The following EMILIN2 variants were observed in gnomAD, a reference collection of about 807,000 sequenced individuals.
The protein encoded by EMILIN2 is elastin microfibril interfacer 2, also known as EMILIN-2.
In EMILIN2, 71 loss-of-function variants were observed where a neutral mutation model predicts 87.1. The ratio of observed to expected loss-of-function variants is 0.82; its 90% CI spans 0.67 to 0.99. The LOEUF (loss-of-function observed/expected upper bound fraction) is 0.99, where lower values mean the gene tolerates loss of function less well. Ranked by LOEUF, EMILIN2 falls within the 50% of genes least tolerant of loss-of-function variation. EMILIN2 has a pLI of 0.00. For missense variants in EMILIN2, 1,407 were observed against 1,371.8 expected, an observed-to-expected ratio of 1.03 and a Z score of -0.40; for synonymous variants, 581 against 563.4, an observed-to-expected ratio of 1.03 and a Z score of -0.44.
In EMILIN2 at chr18:2,883,352, C is replaced by T. The variant is rs148368174; in HGVS notation, c.258-1612C>T. ...GGTAACCCCGCTGCTGCTATTGTCC[C>T]GCCTCCCCCCATGGGCAGCTCTCAG... is the stretch of plus-strand genomic sequence containing the variant. On this transcript the variant is annotated intron_variant, in intron 2 of 7. Transcript: ENST00000254528. Among the ~76,000 whole-genome samples, 1,462 of 152,254 alleles carry T rather than the reference C, an allele frequency of 9.6e-3. 18 individuals are homozygous for T. The highest frequency in any genetic ancestry group is 0.031 in the African/African-American group (1,282 of 41,532).
rs1428993399 is a variant in EMILIN2, at chr18:2,847,428, TC to T, written c.134+109del. 2.6e-6 allele frequency: 3 copies of T among 1,140,232 alleles called. No individual in the cohort carries two copies. Among genetic ancestry groups the T allele is most frequent in the Non-Finnish European group, 2.2e-6 (2 of 909,304 alleles). The allele number at this position is 1,140,232 out of a possible 1,614,324, so 70.6% of individuals were successfully genotyped here. On this transcript the variant is annotated intron_variant, in intron 1 of 7. Transcript: ENST00000254528. The surrounding 1 kb of genome is among the most constrained non-coding windows in gnomAD (Gnocchi z 4.5). The stretch of plus-strand genomic sequence containing the variant: ...AGACGACGAGCGGCAGCCGGGGGCC[TC>T]CCTTGGACTTCCCCGGGCGGCTCCC...
chr18:2,870,750 G>C (rs376347329), intron 2 of EMILIN2, among the ~76,000 whole-genome samples: 92 of 152,354 alleles, frequency 6.0e-4, no homozygotes, highest in African/African-American at 4.1e-4. Context: ...CACGAGCAGG[G>C]ACCTGGAGGT....
At chr18:2,859,699 T>G (rs1460265673) in intron 2 of EMILIN2, among the ~76,000 whole-genome samples, 1 of 152,236 alleles carries the variant, frequency 6.6e-6, no homozygotes, top group Non-Finnish European at 1.5e-5. Flanking sequence ...TTTTATAGTT[T>G]CAGGTCCTAG....
intron 4 of EMILIN2, among the ~76,000 whole-genome samples, chr18:2,893,491 G>A (rs1019346939): frequency 2.6e-5 from 4 of 152,156 alleles, no homozygotes; most frequent in Admixed American, 1.3e-4. Context: ...CTACACCTTA[G>A]GCACTCAACA....
At chr18:2,902,803 T>G (rs1235216965) in intron 4 of EMILIN2, among the ~76,000 whole-genome samples, 1 of 152,114 alleles carries the variant, frequency 6.6e-6, no homozygotes, top group Non-Finnish European at 1.5e-5. Flanking sequence ...TAGAATCAGC[T>G]GGGCTTAGCA....
intron 2 of EMILIN2, among the ~76,000 whole-genome samples, chr18:2,870,944 C>T (rs985307776): frequency 1.3e-5 from 2 of 152,196 alleles, no homozygotes; most frequent in Non-Finnish European, 2.9e-5. Context: ...CCCCACCACC[C>T]TTTTTTTCTT....
At chr18:2,904,991 C>T (rs1215494988) in intron 4 of EMILIN2, among the ~76,000 whole-genome samples, 2 of 152,192 alleles carry the variant, frequency 1.3e-5, no homozygotes, top group East Asian at 1.9e-4. Flanking sequence ...TATCTTACTC[C>T]TATCTTCCAC....
In EMILIN2 at chr18:2,885,114, T is replaced by C; in HGVS notation, c.408T>C (p.Pro136=). The change falls in exon 3 of 8, where the codon CCT becomes CCC. Residue 136 remains proline (P), a synonymous_variant. Transcript: ENST00000254528. The stretch of plus-strand genomic sequence containing the variant: ...CCCTCCGCCCCACGCCGGCTCGGCC[T>C]CGAAACAGCTTGAAGAAAGCCACAG... ...VKTLRPTPAR[P]RNSLKKATDN... 1 of 1,609,048 alleles carries C rather than the reference T, an allele frequency of 6.2e-7. No individual in the cohort carries two copies. The highest frequency in any genetic ancestry group is 8.5e-7 in the Non-Finnish European group (1 of 1,178,320).
chr18:2,908,433 A>G (rs944602813), intron 5 of EMILIN2, among the ~76,000 whole-genome samples: 2 of 151,442 alleles, frequency 1.3e-5, no homozygotes, highest in Non-Finnish European at 2.9e-5. Flanking sequence ...CTGTCCACCC[A>G]CCTATGCATG....
chr18:2,898,072 C>G (rs2076871740), intron 4 of EMILIN2, among the ~76,000 whole-genome samples: 1 of 152,320 alleles, frequency 6.6e-6, no homozygotes, highest in South Asian at 2.1e-4. Flanking sequence ...CCCATTTTCA[C>G]AGGTGCGGGG....
intron 7 of EMILIN2, among the ~76,000 whole-genome samples, chr18:2,910,120 AG>A (rs1356627227): frequency 2.7e-5 from 4 of 146,792 alleles, no homozygotes; most frequent in African/African-American, 5.1e-5. Flanking sequence ...AGCAGTTATG[AG>A]GGCTGTGCCG....
intron 2 of EMILIN2, among the ~76,000 whole-genome samples, chr18:2,884,736 T>C (rs867066404): frequency 2.6e-5 from 4 of 152,106 alleles, no homozygotes; most frequent in African/African-American, 9.7e-5. Flanking sequence ...GGGAAACGGG[T>C]GCTCAGGGCA....
At chr18:2,913,045 G>A in intron 7 of EMILIN2, 22 bp from the exon 8 acceptor site, 4 of 1,604,254 alleles carry the variant, frequency 2.5e-6, no homozygotes, top group Non-Finnish European at 3.4e-6. Flanking sequence ...GGTGAGCACA[G>A]GGTTTGCCTT....
intron 2 of EMILIN2, among the ~76,000 whole-genome samples, chr18:2,862,507 T>C (rs970951139): frequency 2.0e-5 from 3 of 152,216 alleles, no homozygotes; most frequent in African/African-American, 2.4e-5. Context: ...GTTTTTGTCA[T>C]TGGCTGGATT....
intron 3 of EMILIN2, among the ~76,000 whole-genome samples, chr18:2,889,629 G>T: frequency 6.9e-6 from 1 of 145,928 alleles, no homozygotes; most frequent in African/African-American, 2.5e-5. Context: ...TTTTTCCTTG[G>T]TGTTTTCTCA....
intron 3 of EMILIN2, among the ~76,000 whole-genome samples, chr18:2,889,374 G>A (rs1156490670): frequency 2.0e-5 from 3 of 151,816 alleles, no homozygotes; most frequent in African/African-American, 7.3e-5. Flanking sequence ...CTATCCTCAA[G>A]CAATCCACCC....
At position 2,892,307 on chromosome 18, in the gene EMILIN2, A is replaced by AG; in HGVS notation, c.2182dup (p.Glu728GlyfsTer48). 6.2e-7 allele frequency: 1 copy of AG among 1,614,224 alleles called. No homozygotes were observed. Among genetic ancestry groups the AG allele is most frequent in the Non-Finnish European group, 8.5e-7 (1 of 1,180,046 alleles). On this transcript the variant is annotated frameshift_variant, in exon 4 of 8. Coordinates refer to ENST00000254528, the MANE Select transcript of EMILIN2 (RefSeq NM_032048.3). LOFTEE classifies it high-confidence loss of function. ...ATCTCAGGAAATCTTCAGAGGATCAAGGAGGGGCTCAACAAGCATGTCAGC... is the reference window on the plus strand; with the variant it reads ...ATCTCAGGAAATCTTCAGAGGATCAAGGGAGGGGCTCAACAAGCATGTCAGC...
intron 2 of EMILIN2, among the ~76,000 whole-genome samples, chr18:2,855,753 C>T (rs1404108846): frequency 2.0e-5 from 3 of 152,222 alleles, no homozygotes; most frequent in East Asian, 1.9e-4. Context: ...TCACTTAGCC[C>T]GTCTGAGGCA....
chr18:2,867,465 G>T (rs2076692261), intron 2 of EMILIN2, among the ~76,000 whole-genome samples: 1 of 152,142 alleles, frequency 6.6e-6, no homozygotes, highest in Non-Finnish European at 1.5e-5. Flanking sequence ...GTGAACAAAG[G>T]TCTCTGGCTT....
Sources: allele counts gnomAD v4.1 joint callset (sites outside exome capture counted in the v4.1 genomes callset), GRCh38; gene constraint gnomAD v4.1.1; non-coding constraint Gnocchi (gnomAD v3.1); transcripts MANE v1.5; gene names NCBI Gene and HGNC (gene_info 2026-07-23, HGNC 2026-07-21).